The following SESN3 variants were observed in gnomAD, a reference collection of about 807,000 sequenced individuals.
The protein encoded by SESN3 is sestrin-3.
SESN3 carries 21 observed loss-of-function variants against 55.3 expected under a neutral mutation model. The ratio of observed to expected loss-of-function variants is 0.38; its 90% confidence interval spans 0.27 to 0.55. The LOEUF (loss-of-function observed/expected upper bound fraction) is 0.55, where lower values mean the gene tolerates loss of function less well. SESN3 is among the 20% of genes least tolerant of loss of function. The probability of loss-of-function intolerance (pLI) is 0.76; values close to 1 mark genes in which losing one functional copy is unlikely to be tolerated. For missense variants in SESN3, 408 were observed against 604.3 expected (o/e 0.68, Z 3.41); for synonymous variants, 181 against 203.1 (o/e 0.89, Z 0.93).
At chr11:95,178,567 A>G (rs956096958) in intron 7 of SESN3, 143 bp downstream of exon 7, 7 of 602,692 alleles carry the variant, frequency 1.2e-5, no homozygotes, top group Non-Finnish European at 2.1e-5. Context: ...GGGAACTCCA[A>G]TTAGATTAGG....
At chr11:95,205,205 A>G (rs1278466402) in intron 1 of SESN3, among the ~76,000 whole-genome samples, 5 of 152,340 alleles carry the variant, frequency 3.3e-5, no homozygotes, top group East Asian at 1.9e-4. Flanking sequence ...AAGGCTAGAG[A>G]CATAGGCAAG....
rs768198910 is a variant in SESN3, at chr11:95,230,834, C to G, written c.27G>C (p.Ser9=). 5 of 1,583,910 alleles carry G rather than the reference C, an allele frequency of 3.2e-6. No homozygotes were observed. Among genetic ancestry groups the G allele is most frequent in the Non-Finnish European group, 4.3e-6 (5 of 1,169,272 alleles). Residue 9 remains serine (S), a synonymous_variant, in exon 1 of 10, where the codon TCG becomes TCC. Coordinates refer to ENST00000536441, the MANE Select transcript of SESN3 (RefSeq NM_144665.4). The surrounding 1 kb of genome is among the most constrained non-coding windows in gnomAD (Gnocchi z 4.6). MNRGGGSP[S]AAANYLLCTN... Reference sequence around the variant, plus strand: ...TACAGAGCAGGTAGTTGGCGGCGGCCGACGGGCTGCCGCCGCCCCGGTTCA... The same window carrying G: ...TACAGAGCAGGTAGTTGGCGGCGGCGGACGGGCTGCCGCCGCCCCGGTTCA...
At chr11:95,208,552 C>T (rs976895063) in intron 1 of SESN3, among the ~76,000 whole-genome samples, 3 of 151,420 alleles carry the variant, frequency 2.0e-5, no homozygotes, top group African/African-American at 7.3e-5. Flanking sequence ...ACTTTCTTCA[C>T]AGAATTGAAA....
chr11:95,181,949 T>A (rs995846575), intron 6 of SESN3, among the ~76,000 whole-genome samples: 6 of 152,084 alleles, frequency 3.9e-5, no homozygotes, highest in African/African-American at 1.4e-4. Context: ...TATTTTTATA[T>A]ATATGTGTGT....
In SESN3 at chr11:95,230,320, A is replaced by G. The variant is rs1446664414; in HGVS notation, c.78+463T>C. 1 of 157,802 alleles carries G rather than the reference A, an allele frequency of 6.3e-6. No individual in the cohort carries two copies. Among genetic ancestry groups the G allele is most frequent in the Non-Finnish European group, 1.4e-5 (1 of 71,388 alleles). The allele number at this position is 157,802 out of a possible 1,614,324, so 9.8% of individuals were successfully genotyped here. A position where few individuals can be genotyped will look rare whatever the true frequency, so the allele number is the denominator to read the frequency against. On this transcript the variant is annotated intron_variant, in intron 1 of 9. Coordinates refer to ENST00000536441, the MANE Select transcript of SESN3 (RefSeq NM_144665.4). The surrounding 1 kb of genome is among the most constrained non-coding windows in gnomAD (Gnocchi z 4.6). Reference sequence around the variant, plus strand: ...GCGCGCAAGGCAGAAGCAACCGAATAAACAAAAACAACACTCGCAAGAGTT... The same window carrying G: ...GCGCGCAAGGCAGAAGCAACCGAATGAACAAAAACAACACTCGCAAGAGTT...
At chr11:95,219,438 G>A (rs1343459238) in intron 1 of SESN3, among the ~76,000 whole-genome samples, 1 of 152,006 alleles carries the variant, frequency 6.6e-6, no homozygotes, top group African/African-American at 2.4e-5. Flanking sequence ...TATCAAAGAG[G>A]AACTTTCTGG....
At position 95,170,819 on chromosome 11, in the gene SESN3, A is replaced by G. The variant is rs532177353; in HGVS notation, c.*2436T>C. 6.6e-6 allele frequency: 1 copy of G among 152,290 alleles called. No individual in the cohort carries two copies. The highest frequency in any genetic ancestry group is 1.9e-4 in the East Asian group (1 of 5,184). The allele number at this position is 152,290 out of a possible 1,614,324, so 9.4% of individuals were successfully genotyped here. ...TTGTTTTTGTTTATAGTTCCAAGTC[A>G]ACTTATTTTCCTATTGATAAGATAG... is the stretch of plus-strand genomic sequence containing the variant. On this transcript the variant is annotated 3_prime_UTR_variant, in exon 10 of 10. Transcript: ENST00000536441.
At chr11:95,197,747 T>C (rs187311909) in intron 1 of SESN3, among the ~76,000 whole-genome samples, 1 of 152,300 alleles carries the variant, frequency 6.6e-6, no homozygotes, top group Admixed American at 6.5e-5. Context: ...TACTCAAATT[T>C]GTTATGGTGA....
intron 2 of SESN3, among the ~76,000 whole-genome samples, chr11:95,193,137 C>T (rs1468978081): frequency 6.6e-6 from 1 of 151,666 alleles, no homozygotes; most frequent in African/African-American, 2.4e-5. Flanking sequence ...CACTGAGCTC[C>T]CGAAATGTTA....
At chr11:95,187,593 G>A (rs1217749301) in intron 4 of SESN3, among the ~76,000 whole-genome samples, 1 of 151,642 alleles carries the variant, frequency 6.6e-6, no homozygotes, top group Admixed American at 6.6e-5. Flanking sequence ...AATCTCTCTT[G>A]ACTTCAACAA....
intron 1 of SESN3, chr11:95,204,793 G>T (rs983282653): frequency 6.6e-6 from 1 of 152,086 alleles, no homozygotes; most frequent in South Asian, 2.1e-4. Context: ...CCAGTCTTTG[G>T]TTTTTGTTAT....
chr11:95,225,993 G>A (rs1298416593), intron 1 of SESN3, among the ~76,000 whole-genome samples: 2 of 151,232 alleles, frequency 1.3e-5, no homozygotes, highest in Non-Finnish European at 2.9e-5. Context: ...GGTGGGAAAG[G>A]GGCAGGGAAT....
At chr11:95,179,780 A>G in intron 6 of SESN3, among the ~76,000 whole-genome samples, 1 of 152,130 alleles carries the variant, frequency 6.6e-6, no homozygotes, top group Non-Finnish European at 1.5e-5. Flanking sequence ...GCATATGAAA[A>G]CAAAAAGAAC....
At position 95,183,445 on chromosome 11, in the gene SESN3, T is replaced by C. The variant is rs73530832; in HGVS notation, c.937+975A>G. The stretch of plus-strand genomic sequence containing the variant: ...ATGTTTTATGTTTAACATTAACAAG[T>C]TACGGCTGAAACAATTCTCAAAATT... On this transcript the variant is annotated intron_variant, in intron 6 of 9. Transcript: ENST00000536441. Among the ~76,000 whole-genome samples, 323 of 152,266 alleles carry C rather than the reference T, an allele frequency of 2.1e-3. 2 individuals carry two copies. The highest frequency in any genetic ancestry group is 7.4e-3 in the African/African-American group (308 of 41,552).
Position 95,177,216 on chromosome 11 carries a change from G to T in SESN3, c.1247+503C>A, listed in dbSNP as rs1050554559. On this transcript the variant is annotated intron_variant, in intron 8 of 9. Transcript: ENST00000536441. ...CAATGCTAATTTTCTAAATTTAGAG[G>T]TCATTAATTTATATTGGCTGATATA... Among the ~76,000 whole-genome samples the T allele has an allele frequency of 1.3e-5, 2 of 152,186 alleles. 1 individual carries two copies. The highest frequency in any genetic ancestry group is 2.9e-5 in the Non-Finnish European group (2 of 68,002).
At chr11:95,190,721 T>C (rs1860251333) in intron 3 of SESN3, among the ~76,000 whole-genome samples, 1 of 151,962 alleles carries the variant, frequency 6.6e-6, no homozygotes, top group Non-Finnish European at 1.5e-5. Flanking sequence ...AAATCAAACG[T>C]GGTCAAACTT....
rs1860004206 is a variant in SESN3 at position 95,178,693 on chromosome 11, T to TTA, written c.1056+15_1056+16dup. ...GACAGTATGTTCTAGTTTCTCTGAA[T>TTA]TAAAGACATATTATACCTGAGCTCG... On this transcript the variant is annotated intron_variant, in intron 7 of 9. Transcript: ENST00000536441. 1.4e-6 allele frequency: 2 copies of TTA among 1,451,038 alleles called. No individual in the cohort carries two copies. Among genetic ancestry groups the TTA allele is most frequent in the Middle Eastern group, 1.7e-4 (1 of 5,774 alleles). The allele number at this position is 1,451,038 out of a possible 1,614,324, so 89.9% of individuals were successfully genotyped here.
chr11:95,208,590 C>CA (rs904769640), intron 1 of SESN3, among the ~76,000 whole-genome samples: 5 of 150,992 alleles, frequency 3.3e-5, no homozygotes, highest in Admixed American at 1.3e-4. Flanking sequence ...CATATGGAAC[C>CA]AAAAAAAGCC....
At chr11:95,206,283 T>G (rs1381685769) in intron 1 of SESN3, among the ~76,000 whole-genome samples, 1 of 152,012 alleles carries the variant, frequency 6.6e-6, no homozygotes, top group Non-Finnish European at 1.5e-5. Flanking sequence ...CTATTATACA[T>G]TTAATGATAT....
Sources: allele counts gnomAD v4.1 joint callset (sites outside exome capture counted in the v4.1 genomes callset), GRCh38; gene constraint gnomAD v4.1.1; non-coding constraint Gnocchi (gnomAD v3.1); transcripts MANE v1.5; gene names NCBI Gene and HGNC (gene_info 2026-07-23, HGNC 2026-07-21).